NRG3: variants seen among roughly 807,000 people sequenced by gnomAD.
NRG3 encodes pro-neuregulin-3, membrane-bound isoform.
In NRG3, 31 loss-of-function variants were observed where a neutral mutation model predicts 66.9. The observed-to-expected ratio is 0.46, with a 90% confidence interval of 0.35 to 0.63. The LOEUF (loss-of-function observed/expected upper bound fraction) is 0.63. Ranked by LOEUF, NRG3 falls within the 20% of genes least tolerant of loss-of-function variation. The probability of loss-of-function intolerance (pLI) is 0.00; values close to 1 mark genes in which losing one functional copy is unlikely to be tolerated. For synonymous variants in NRG3, 393 were observed against 359.4 expected (o/e 1.09, Z -1.06); for missense variants, 910 against 878.9 (o/e 1.04, Z -0.45).
intron 4 of NRG3, among the ~76,000 whole-genome samples, chr10:82,932,651 G>T (rs766235982): frequency 9.9e-5 from 15 of 152,100 alleles, no homozygotes; most frequent in Non-Finnish European, 1.8e-4. Flanking sequence ...CTTCTCTCCT[G>T]CAAGCTCACA....
chr10:82,006,683 T>A (rs182906198), intron 1 of NRG3, among the ~76,000 whole-genome samples: 1 of 152,266 alleles, frequency 6.6e-6, no homozygotes, highest in East Asian at 1.9e-4. Context: ...TTCTGCACCA[T>A]GTATTGGATA....
intron 1 of NRG3, among the ~76,000 whole-genome samples, chr10:82,043,855 C>A (rs1034800969): frequency 2.0e-5 from 3 of 151,964 alleles, no homozygotes; most frequent in Non-Finnish European, 2.9e-5. Context: ...CAGTTAAGTT[C>A]CTGCTGCATA....
chr10:81,977,318 A>C (rs889059305), intron 1 of NRG3, among the ~76,000 whole-genome samples: 1 of 152,108 alleles, frequency 6.6e-6, no homozygotes, highest in African/African-American at 2.4e-5. Flanking sequence ...GGTTTTGATA[A>C]TCTTATTGTT....
At chr10:82,218,735 C>G (rs2075800869) in intron 1 of NRG3, among the ~76,000 whole-genome samples, 1 of 152,122 alleles carries the variant, frequency 6.6e-6, no homozygotes, top group Admixed American at 6.6e-5. Flanking sequence ...AAGCCATCTC[C>G]TAGCTTAATT....
intron 2 of NRG3, among the ~76,000 whole-genome samples, chr10:82,677,980 C>A (rs10749073): frequency 0.49 from 73,826 of 152,058 alleles, 20,734 homozygotes; most frequent in East Asian, 0.72. Context: ...GGTGTGTTTA[C>A]TGAAGTTGTA....
chr10:82,167,134 G>C (rs1437550913), intron 1 of NRG3, among the ~76,000 whole-genome samples: 1 of 151,772 alleles, frequency 6.6e-6, no homozygotes, highest in Non-Finnish European at 1.5e-5. Context: ...TCAACTGATT[G>C]AATTTTTTCT....
At chr10:82,983,992 T>C (rs1472186471) in intron 8 of NRG3, among the ~76,000 whole-genome samples, 4 of 152,234 alleles carry the variant, frequency 2.6e-5, no homozygotes, top group African/African-American at 9.6e-5. Flanking sequence ...ACACACTGCA[T>C]TGCAATTATT....
At chr10:82,285,443 A>AATG (rs1211223355) in intron 1 of NRG3, among the ~76,000 whole-genome samples, 1 of 152,180 alleles carries the variant, frequency 6.6e-6, no homozygotes, top group Non-Finnish European at 1.5e-5. Context: ...TTTTCAAAAT[A>AATG]ATGTTTTAAG....
chr10:81,971,512 A>G (rs944802791), intron 1 of NRG3, among the ~76,000 whole-genome samples: 2 of 152,264 alleles, frequency 1.3e-5, no homozygotes. Context: ...CTTCTGGCCC[A>G]GTTGGAGTAA....
At chr10:82,656,132 T>C (rs1054074708) in intron 2 of NRG3, among the ~76,000 whole-genome samples, 5 of 152,128 alleles carry the variant, frequency 3.3e-5, no homozygotes, top group Non-Finnish European at 7.4e-5. Flanking sequence ...AACAAGTTCA[T>C]GTATTACTTT....
At chr10:82,106,597 C>T (rs2067076003) in intron 1 of NRG3, among the ~76,000 whole-genome samples, 1 of 151,748 alleles carries the variant, frequency 6.6e-6, no homozygotes, top group South Asian at 2.1e-4. Context: ...CCTCCGCCTC[C>T]TGGGTTCAAG....
intron 1 of NRG3, chr10:82,232,128 A>G (rs2076506810): frequency 6.6e-6 from 1 of 152,170 alleles, no homozygotes; most frequent in African/African-American, 2.4e-5. Flanking sequence ...AGAAAGGAAA[A>G]ATAGAGTCCC....
At chr10:82,861,721 G>A (rs149504122) in intron 3 of NRG3, among the ~76,000 whole-genome samples, 279 of 152,188 alleles carry the variant, frequency 1.8e-3, no homozygotes, top group Middle Eastern at 3.4e-3. Flanking sequence ...CAGCTGCACC[G>A]GAAAGTTCTT....
At position 82,350,477 on chromosome 10, in the gene NRG3, C is replaced by A. The variant is rs147585419; in HGVS notation, c.824-8262C>A. Among the ~76,000 whole-genome samples the A allele has an allele frequency of 3.9e-3, 589 of 152,290 alleles. 10 individuals carry two copies. The highest frequency in any genetic ancestry group is 0.014 in the African/African-American group (570 of 41,562). On this transcript the variant is annotated intron_variant, in intron 1 of 8. Transcript: ENST00000372141. ...CAGTTAAACTGCAATTCAGAGTGAT[C>A]ATCACAGTATTAGAGATGAACAGGA...
intron 1 of NRG3, among the ~76,000 whole-genome samples, chr10:82,211,674 T>C (rs1232765597): frequency 6.6e-6 from 1 of 152,110 alleles, no homozygotes. Flanking sequence ...GAAACACCAG[T>C]CTTCAGGACT....
chr10:82,001,202 A>AAT (rs1757756532), intron 1 of NRG3, among the ~76,000 whole-genome samples: 1 of 151,886 alleles, frequency 6.6e-6, no homozygotes, highest in Admixed American at 6.6e-5. Context: ...AGAGAAAAAA[A>AAT]AAAAAAAAGC....
chr10:82,149,784 T>C (rs529736586), intron 1 of NRG3, among the ~76,000 whole-genome samples: 1 of 152,108 alleles, frequency 6.6e-6, no homozygotes, highest in Non-Finnish European at 1.5e-5. Flanking sequence ...AGTGTTTTTA[T>C]GACATGTTTC....
In NRG3 at chr10:82,800,607, T is replaced by C. The variant is rs542000253; in HGVS notation, c.1027+61957T>C. Reference sequence around the variant, plus strand: ...TAATTAATGTTAGTACATTTGGCTGTTGATGATGACAAAAATGATGAAAGT... The same window carrying C: ...TAATTAATGTTAGTACATTTGGCTGCTGATGATGACAAAAATGATGAAAGT... On this transcript the variant is annotated intron_variant, in intron 3 of 8. Coordinates refer to ENST00000372141, the MANE Select transcript of NRG3 (RefSeq NM_001010848.4). Among the ~76,000 whole-genome samples, 14 of 152,282 alleles carry C rather than the reference T, an allele frequency of 9.2e-5. No individual in the cohort carries two copies. The South Asian group carries it at 2.7e-3, about 29-fold the overall frequency.
At chr10:82,217,889 C>G (rs1482028894) in intron 1 of NRG3, among the ~76,000 whole-genome samples, 1 of 152,028 alleles carries the variant, frequency 6.6e-6, no homozygotes, top group African/African-American at 2.4e-5. Context: ...CTCAAAAGGC[C>G]TATCTTATTT....
Sources: gnomAD v4.1 joint callset for allele counts (sites outside exome capture counted in the v4.1 genomes callset) on GRCh38, gnomAD v4.1.1 for gene constraint, MANE v1.5 for transcripts, NCBI Gene and HGNC (gene_info 2026-07-23, HGNC 2026-07-21) for gene names.